KCNQ4: variants seen among roughly 807,000 people sequenced by gnomAD.
KCNQ4 encodes potassium voltage-gated channel subfamily Q member 4, also known as potassium voltage-gated channel subfamily KQT member 4.
Under a neutral mutation model 72.6 loss-of-function variants are expected in KCNQ4, and 31 were observed. The observed-to-expected ratio is 0.43, with a 90% CI of 0.32 to 0.58. The LOEUF is 0.58. Among genes scored for constraint, KCNQ4 ranks in the 20% least tolerant of loss-of-function variants. KCNQ4 has a pLI of 0.08. For missense variants in KCNQ4, 869 were observed against 962.6 expected (o/e 0.90, Z 1.29); for synonymous variants, 405 against 403.7 (o/e 1.00, Z -0.04).
intron 1 of KCNQ4, among the ~76,000 whole-genome samples, chr1:40,802,327 C>T (rs1460226633): frequency 6.6e-6 from 1 of 152,046 alleles, no homozygotes; most frequent in African/African-American, 2.4e-5. Flanking sequence ...TCACACTTTC[C>T]GCTTGGCCCG....
At chr1:40,802,543 C>T (rs778634599) in intron 1 of KCNQ4, among the ~76,000 whole-genome samples, 23 of 151,964 alleles carry the variant, frequency 1.5e-4, no homozygotes, top group Non-Finnish European at 1.2e-4. Context: ...CCGGCATGCC[C>T]CGCCCATTTC....
intron 12 of KCNQ4, among the ~76,000 whole-genome samples, chr1:40,835,555 C>G (rs1648785618): frequency 6.6e-6 from 1 of 152,188 alleles, no homozygotes; most frequent in African/African-American, 2.4e-5. Flanking sequence ...CCTTGCCCTT[C>G]TCCTCTTCTG....
At position 40,831,269 on chromosome 1, in the gene KCNQ4, C is replaced by T; in HGVS notation, c.1478C>T (p.Ala493Val). ...TTCAATGACCGCACCCGCTTCCGGG[C>T]ATCTCTGAGACTCAAACCCCGCACC... ...WSFNDRTRFR[A>V]SLRLKPRTSA... The change falls in exon 10 of 14, where the codon GCA becomes GTA. Residue 493 changes from alanine to valine, a missense_variant. Physicochemically the swap from Ala to Val is moderately conservative, Grantham distance 64 (BLOSUM62 0). Around this residue, in one of 5 missense-constraint regions of KCNQ4, gnomAD observed 480 missense variants for 501.9 expected, o/e 0.96. Coordinates refer to ENST00000347132, the MANE Select transcript of KCNQ4 (RefSeq NM_004700.4). The T allele has an allele frequency of 1.2e-6, 2 of 1,606,104 alleles. No individual in the cohort carries two copies. Among genetic ancestry groups the T allele is most frequent in the African/African-American group, 2.7e-5 (2 of 74,990 alleles).
chr1:40,834,704 G>A (rs763372365), intron 11 of KCNQ4, among the ~76,000 whole-genome samples: 2 of 151,576 alleles, frequency 1.3e-5, no homozygotes, highest in Admixed American at 6.6e-5. Context: ...CCTCCTTCTC[G>A]AGGCTGATCT....
intron 1 of KCNQ4, among the ~76,000 whole-genome samples, chr1:40,801,298 CT>C (rs1028308986): frequency 6.6e-6 from 1 of 152,130 alleles, no homozygotes; most frequent in African/African-American, 2.4e-5. Flanking sequence ...CTCCTTTGTT[CT>C]GTCTCAGTTT....
At chr1:40,795,797 G>A (rs1349682528) in intron 1 of KCNQ4, among the ~76,000 whole-genome samples, 2 of 152,140 alleles carry the variant, frequency 1.3e-5, no homozygotes, top group Admixed American at 6.5e-5. Context: ...TGGAGACCTG[G>A]GGAACTCTAG....
At chr1:40,836,510 C>A (rs141944343) in intron 12 of KCNQ4, among the ~76,000 whole-genome samples, 1 of 151,936 alleles carries the variant, frequency 6.6e-6, no homozygotes, top group African/African-American at 2.4e-5. Flanking sequence ...GATTTGGTGT[C>A]GAAAGTGTAG....
At chr1:40,809,624 C>T (rs528873005) in intron 1 of KCNQ4, among the ~76,000 whole-genome samples, 3 of 152,348 alleles carry the variant, frequency 2.0e-5, no homozygotes, top group African/African-American at 2.4e-5. Flanking sequence ...CTGCCACCAC[C>T]CTGGGCCAGG....
intron 1 of KCNQ4, among the ~76,000 whole-genome samples, chr1:40,786,288 G>A (rs1647202372): frequency 6.6e-6 from 1 of 152,198 alleles, no homozygotes; most frequent in Non-Finnish European, 1.5e-5. Flanking sequence ...ACCCCCCCAG[G>A]CTTGGCCTTA....
At position 40,838,617 on chromosome 1, in the gene KCNQ4, C is replaced by T. The variant is rs557041823; in HGVS notation, c.*94C>T. 89 of 1,146,496 alleles carry T rather than the reference C, an allele frequency of 7.8e-5. 1 individual carries two copies. In the South Asian group the frequency reaches 1.1e-3, roughly 14 times the overall value. 71.0% of individuals were successfully genotyped at this position (1,146,496 alleles called of 1,614,324 possible). A position where few individuals can be genotyped will look rare whatever the true frequency, so the allele number is the denominator to read the frequency against. ...CCTCCGGACTCCTCTCGTACTTGAACTCACTCCCTCACGGGGAGAGAGACC... is the reference window on the plus strand; with the variant it reads ...CCTCCGGACTCCTCTCGTACTTGAATTCACTCCCTCACGGGGAGAGAGACC... On this transcript the variant is annotated 3_prime_UTR_variant, in exon 14 of 14. Coordinates refer to ENST00000347132, the MANE Select transcript of KCNQ4 (RefSeq NM_004700.4).
At chr1:40,793,540 TCTC>T (rs1215109463) in intron 1 of KCNQ4, among the ~76,000 whole-genome samples, 2 of 151,932 alleles carry the variant, frequency 1.3e-5, no homozygotes, top group Non-Finnish European at 2.9e-5. Flanking sequence ...TGCTGACACC[TCTC>T]CTCCTCATTC....
rs543488999 is a variant in KCNQ4 at position 40,838,853 on chromosome 1, C to T, written c.*330C>T. ...GCACAGCCCCGGGAGTGGGAGCGGG[C>T]GCTGGGGCCCTGGGCCCTGACCCAG... On this transcript the variant is annotated 3_prime_UTR_variant, in exon 14 of 14. Coordinates refer to ENST00000347132, the MANE Select transcript of KCNQ4 (RefSeq NM_004700.4). 9 of 435,492 alleles carry T rather than the reference C, an allele frequency of 2.1e-5. No homozygotes were observed. Among genetic ancestry groups the T allele is most frequent in the African/African-American group, 8.0e-5 (4 of 50,278 alleles). 27.0% of individuals were successfully genotyped at this position (435,492 alleles called of 1,614,324 possible).
chr1:40,831,059 T>C (rs746669623), intron 9 of KCNQ4, 25 bp from the exon 10 acceptor site: 2 of 1,555,362 alleles, frequency 1.3e-6, no homozygotes, highest in Admixed American at 1.9e-5. Context: ...AACTTGGCTC[T>C]CTCCCAACCT....
At position 40,822,427 on chromosome 1, in the gene KCNQ4, G is replaced by T; in HGVS notation, c.1130+25G>T. On this transcript the variant is annotated intron_variant, in intron 8 of 13. Coordinates refer to ENST00000347132, the MANE Select transcript of KCNQ4 (RefSeq NM_004700.4). ...GGTAGGTCCTGCTGGGGGTGGGGGT[G>T]GGTGGGGGGCTGGCAGCAATGCCCT... 3 of 1,405,190 alleles carry T rather than the reference G, an allele frequency of 2.1e-6. No homozygotes were observed. The South Asian group carries it at 3.6e-5, about 17-fold the overall frequency. 87.0% of individuals were successfully genotyped at this position (1,405,190 alleles called of 1,614,324 possible). A position where few individuals can be genotyped will look rare whatever the true frequency, so the allele number is the denominator to read the frequency against.
At chr1:40,830,134 G>A (rs915727717) in intron 9 of KCNQ4, among the ~76,000 whole-genome samples, 3 of 152,280 alleles carry the variant, frequency 2.0e-5, no homozygotes, top group African/African-American at 4.8e-5. Flanking sequence ...GTATCGGGGG[G>A]TAGATCTTTA....
intron 12 of KCNQ4, 110 bp downstream of exon 12, chr1:40,835,208 T>A (rs1295659668): frequency 3.4e-5 from 48 of 1,400,756 alleles, no homozygotes; most frequent in Non-Finnish European, 3.6e-5. Context: ...CTGCTGCAGC[T>A]GAGTTTCTAG....
At position 40,802,612 on chromosome 1, in the gene KCNQ4, G is replaced by C. The variant is rs576448481; in HGVS notation, c.315-14653G>C. 4.2e-3 allele frequency among the ~76,000 whole-genome samples: 636 copies of C among 152,108 alleles called. 5 individuals are homozygous for C. Among genetic ancestry groups the C allele is most frequent in the African/African-American group, 0.014 (587 of 41,520 alleles). On this transcript the variant is annotated intron_variant, in intron 1 of 13. Transcript: ENST00000347132. Reference sequence around the variant, plus strand: ...GCACCTGGGAGTGCCGAGCAGTGGCGCCCCTGCTGAGGAGAAGGAGCCCGG... The same window carrying C: ...GCACCTGGGAGTGCCGAGCAGTGGCCCCCCTGCTGAGGAGAAGGAGCCCGG...
In KCNQ4 at chr1:40,839,400, C is replaced by A. The variant is rs55815755; in HGVS notation, c.*877C>A. The A allele has an allele frequency of 0.011, 1,698 of 152,404 alleles. 12 individuals carry two copies. Among genetic ancestry groups the A allele is most frequent in the Non-Finnish European group, 0.019 (1,271 of 68,116 alleles). 9.4% of individuals were successfully genotyped at this position (152,404 alleles called of 1,614,324 possible). Reference sequence around the variant, plus strand: ...TTCGTGGACGATCGCACAAACATAGCCTTTTAGTTTCTCCAGACAGGAAGA... The same window carrying A: ...TTCGTGGACGATCGCACAAACATAGACTTTTAGTTTCTCCAGACAGGAAGA... On this transcript the variant is annotated 3_prime_UTR_variant, in exon 14 of 14. Transcript: ENST00000347132.
chr1:40,822,956 A>T (rs1175922465), intron 8 of KCNQ4, among the ~76,000 whole-genome samples: 1 of 152,174 alleles, frequency 6.6e-6, no homozygotes, highest in Non-Finnish European at 1.5e-5. Flanking sequence ...TGGCACCAGG[A>T]GAGGGATTAT....
Sources: gnomAD v4.1 joint callset for allele counts (sites outside exome capture counted in the v4.1 genomes callset) on GRCh38, gnomAD v4.1.1 for gene constraint, gnomAD v4.1.1 regional missense constraint, MANE v1.5 for transcripts, NCBI Gene and HGNC (gene_info 2026-07-23, HGNC 2026-07-21) for gene names.